Variants in ZSWIM6 observed in about 807,000 individuals in gnomAD.
ZSWIM6 encodes the protein zinc finger SWIM-type containing 6.
A neutral mutation model predicts 113.2 loss-of-function variants in ZSWIM6; 9 were observed. That is an observed-to-expected ratio of 0.08 (90% CI 0.05 to 0.14). The LOEUF (loss-of-function observed/expected upper bound fraction) is 0.14, where lower values mean the gene tolerates loss of function less well. Ranked by LOEUF, ZSWIM6 falls within the 10% of genes least tolerant of loss-of-function variation. ZSWIM6 has a pLI of 1.00. For synonymous variants in ZSWIM6, 611 were observed against 606.5 expected, an observed-to-expected ratio of 1.01 and a Z score of -0.11; for missense variants, 1,162 against 1,552.2, an observed-to-expected ratio of 0.75 and a Z score of 4.22.
chr5:61,538,456 A>T (rs115378995), intron 10 of ZSWIM6, among the ~76,000 whole-genome samples: 27 of 152,164 alleles, frequency 1.8e-4, no homozygotes, highest in African/African-American at 6.5e-4. Context: ...AGAATTCAAA[A>T]TTTGTAGGTA....
At chr5:61,444,612 A>T (rs990880278) in intron 1 of ZSWIM6, among the ~76,000 whole-genome samples, 1 of 152,218 alleles carries the variant, frequency 6.6e-6, no homozygotes, top group African/African-American at 2.4e-5. Context: ...TCTGTTAAAG[A>T]GCAGATCAGT....
Position 61,543,513 on chromosome 5 carries a change from G to T in ZSWIM6, c.2844G>T (p.Glu948Asp). The T allele has an allele frequency of 6.4e-7, 1 of 1,551,492 alleles. No individual in the cohort carries two copies. The change falls in exon 14 of 14, where the codon GAG becomes GAT. Residue 948 changes from glutamate (E) to aspartate (D), a missense_variant. By Grantham distance (45) the Glu-to-Asp change is conservative. Transcript: ENST00000252744. This position sits in a 1 kb window ranked among gnomAD's most constrained non-coding sequence, Gnocchi z 4.3. Reference protein sequence around the residue: ...QTWFTLFTPTEATSIVATTVM... With the variant: ...QTWFTLFTPTDATSIVATTVM... ...GGTTTACACTCTTTACTCCCACCGA[G>T]GCCACAAGTATAGTTGCAACTACCG...
At chr5:61,440,386 A>G (rs866859419) in intron 1 of ZSWIM6, among the ~76,000 whole-genome samples, 1 of 147,930 alleles carries the variant, frequency 6.8e-6, no homozygotes, top group Non-Finnish European at 1.5e-5. Context: ...AAAAAAAGAT[A>G]TGGTTGAACC....
In ZSWIM6 at chr5:61,500,734, C is replaced by T. The variant is rs1748443290; in HGVS notation, c.1333+6324C>T. ...AACTGTATTAAATAATAAACTTCAG[C>T]TTATCATAAATATAGGTACTACATG... On this transcript the variant is annotated intron_variant, in intron 4 of 13. Transcript: ENST00000252744. Among the ~76,000 whole-genome samples the T allele has an allele frequency of 2.6e-5, 4 of 152,164 alleles. No homozygotes were observed. In the South Asian group the frequency reaches 8.3e-4, roughly 32 times the overall value.
intron 1 of ZSWIM6, among the ~76,000 whole-genome samples, chr5:61,351,466 C>T (rs1380429234): frequency 6.6e-6 from 1 of 152,164 alleles, no homozygotes; most frequent in Non-Finnish European, 1.5e-5. Context: ...GATCTACATT[C>T]CCTTCTTTTG....
chr5:61,348,912 C>T (rs1320885314), intron 1 of ZSWIM6, among the ~76,000 whole-genome samples: 2 of 152,046 alleles, frequency 1.3e-5, no homozygotes, highest in Non-Finnish European at 2.9e-5. Context: ...GACTGACCCT[C>T]GCCTGATTCA....
intron 1 of ZSWIM6, chr5:61,392,012 C>A: frequency 2.5e-6 from 1 of 393,262 alleles, no homozygotes. Flanking sequence ...GTATTTCCCT[C>A]ATAGATTGAC....
intron 1 of ZSWIM6, among the ~76,000 whole-genome samples, chr5:61,452,016 AT>A (rs1747095782): frequency 1.1e-4 from 17 of 152,134 alleles, no homozygotes; most frequent in Admixed American, 9.2e-4. Context: ...AACCTTAACA[AT>A]GTAAGGTTAC....
intron 1 of ZSWIM6, among the ~76,000 whole-genome samples, chr5:61,377,181 CAGTG>C (rs1401174346): frequency 6.6e-6 from 1 of 152,090 alleles, no homozygotes; most frequent in Non-Finnish European, 1.5e-5. Context: ...CATTTTAAAT[CAGTG>C]AGGGAATTTA....
chr5:61,334,698 T>A (rs544821207), intron 1 of ZSWIM6, among the ~76,000 whole-genome samples: 1 of 152,314 alleles, frequency 6.6e-6, no homozygotes, highest in South Asian at 2.1e-4. Context: ...CTAGAGGGGG[T>A]TTAGCTTTTG....
At chr5:61,511,327 T>G (rs1748780726) in intron 4 of ZSWIM6, among the ~76,000 whole-genome samples, 1 of 152,306 alleles carries the variant, frequency 6.6e-6, no homozygotes, top group East Asian at 1.9e-4. Flanking sequence ...CATCTGAGTT[T>G]TATGGAGTTC....
chr5:61,540,646 G>GT (rs1214037023), intron 12 of ZSWIM6, among the ~76,000 whole-genome samples: 1 of 151,966 alleles, frequency 6.6e-6, no homozygotes, highest in Non-Finnish European at 1.5e-5. Flanking sequence ...TGGTTCAGAA[G>GT]TTTTTTGTTT....
At chr5:61,485,491 C>T (rs550071746) in intron 2 of ZSWIM6, among the ~76,000 whole-genome samples, 2 of 152,242 alleles carry the variant, frequency 1.3e-5, no homozygotes, top group East Asian at 1.9e-4. Flanking sequence ...CTGCCCCTCC[C>T]GATTTCCAAA....
At chr5:61,439,608 C>T (rs1388322172) in intron 1 of ZSWIM6, among the ~76,000 whole-genome samples, 1 of 152,138 alleles carries the variant, frequency 6.6e-6, no homozygotes, top group African/African-American at 2.4e-5. Context: ...ATCATCATTA[C>T]TGTAGCATAC....
chr5:61,415,775 A>T (rs1023387818), intron 1 of ZSWIM6, among the ~76,000 whole-genome samples: 2 of 152,178 alleles, frequency 1.3e-5, no homozygotes, highest in African/African-American at 4.8e-5. Flanking sequence ...CTGCTGCTGG[A>T]TGAGCTCAAG....
At chr5:61,391,071 TGCCACAGGTAAG>T in intron 1 of ZSWIM6, 1 of 738,972 alleles carries the variant, frequency 1.4e-6, no homozygotes, top group Non-Finnish European at 2.5e-6. Flanking sequence ...GCCAAATGCA[TGCCACAGGTAAG>T]GCCACAGGGG....
At chr5:61,491,576 G>A (rs1748177989) in intron 3 of ZSWIM6, among the ~76,000 whole-genome samples, 1 of 151,932 alleles carries the variant, frequency 6.6e-6, no homozygotes, top group Non-Finnish European at 1.5e-5. Flanking sequence ...ATTTATCTGG[G>A]TCATAAGTTC....
chr5:61,450,106 A>G (rs1256431754), intron 1 of ZSWIM6, among the ~76,000 whole-genome samples: 5 of 152,176 alleles, frequency 3.3e-5, no homozygotes, highest in Admixed American at 1.3e-4. Context: ...CTTCTTAGAA[A>G]TTCAATATAA....
intron 5 of ZSWIM6, among the ~76,000 whole-genome samples, chr5:61,523,262 G>C (rs1446929916): frequency 2.6e-5 from 4 of 152,310 alleles, no homozygotes; most frequent in Middle Eastern, 6.8e-3. Context: ...TGCCATTGCA[G>C]CTGGACTGAG....
Sources: gnomAD v4.1 joint callset for allele counts (sites outside exome capture counted in the v4.1 genomes callset) on GRCh38, gnomAD v4.1.1 for gene constraint, Gnocchi (gnomAD v3.1) non-coding constraint, MANE v1.5 for transcripts, NCBI Gene and HGNC (gene_info 2026-07-23, HGNC 2026-07-21) for gene names.